LRRC7: variants seen among roughly 807,000 people sequenced by gnomAD.
LRRC7 encodes leucine rich repeat containing 7.
LRRC7 carries 23 observed loss-of-function variants against 175.7 expected under a neutral mutation model. The observed-to-expected ratio is 0.13, with a 90% confidence interval of 0.09 to 0.19. The LOEUF is 0.19. LRRC7 is among the 10% of genes least tolerant of loss of function. The probability of loss-of-function intolerance (pLI) is 1.00; values close to 1 mark genes in which losing one functional copy is unlikely to be tolerated. For missense variants in LRRC7, 1,354 were observed against 1,904.7 expected (o/e 0.71, Z 5.38); for synonymous variants, 685 against 680.9 (o/e 1.01, Z -0.09).
chr1:70,116,601 G>GT (rs1447412669), intron 26 of LRRC7, among the ~76,000 whole-genome samples: 3 of 150,556 alleles, frequency 2.0e-5, no homozygotes, highest in Admixed American at 6.6e-5. Flanking sequence ...TTCTGCAAAG[G>GT]TTTTTTTTAA....
chr1:69,738,170 T>C (rs1459359340), intron 2 of LRRC7, among the ~76,000 whole-genome samples: 1 of 152,044 alleles, frequency 6.6e-6, no homozygotes, highest in African/African-American at 2.4e-5. Flanking sequence ...AAAATGGCCA[T>C]GTACCGAGTT....
At chr1:69,748,095 A>G (rs1397403967) in intron 2 of LRRC7, among the ~76,000 whole-genome samples, 1 of 152,178 alleles carries the variant, frequency 6.6e-6, no homozygotes, top group Non-Finnish European at 1.5e-5. Flanking sequence ...TTATTAAAAG[A>G]TTATCACAAC....
intron 7 of LRRC7, among the ~76,000 whole-genome samples, chr1:69,915,085 A>G (rs1381165316): frequency 6.6e-6 from 1 of 152,180 alleles, no homozygotes; most frequent in Non-Finnish European, 1.5e-5. Context: ...TGTGATATGG[A>G]GCAAGTCACC....
chr1:69,910,542 G>C (rs1646490936), intron 7 of LRRC7, among the ~76,000 whole-genome samples: 2 of 152,154 alleles, frequency 1.3e-5, no homozygotes, highest in Admixed American at 6.5e-5. Context: ...AAATTCTGCT[G>C]CCTGATTGTT....
chr1:70,002,285 C>T (rs1421793575), intron 11 of LRRC7, among the ~76,000 whole-genome samples: 1 of 152,164 alleles, frequency 6.6e-6, no homozygotes, highest in African/African-American at 2.4e-5. Flanking sequence ...CCCTTCTTCT[C>T]TATGGGCATC....
chr1:70,108,298 A>C (rs544452098), intron 26 of LRRC7, among the ~76,000 whole-genome samples: 1 of 152,230 alleles, frequency 6.6e-6, no homozygotes, highest in South Asian at 2.1e-4. Context: ...ACAAAAGTTT[A>C]GCTCTATATA....
At chr1:69,613,694 G>C (rs1221228601) in intron 1 of LRRC7, among the ~76,000 whole-genome samples, 1 of 151,908 alleles carries the variant, frequency 6.6e-6, no homozygotes, top group East Asian at 1.9e-4. Context: ...TGAAATATTT[G>C]CTCATTAAGT....
intron 8 of LRRC7, among the ~76,000 whole-genome samples, chr1:69,941,043 G>A (rs1648654521): frequency 2.6e-5 from 4 of 152,036 alleles, no homozygotes; most frequent in Admixed American, 2.6e-4. Context: ...AGGAGGTCAG[G>A]GAGTGAGCCA....
At chr1:69,700,277 C>T (rs1663178403) in intron 2 of LRRC7, among the ~76,000 whole-genome samples, 1 of 152,112 alleles carries the variant, frequency 6.6e-6, no homozygotes. Flanking sequence ...ATCTTCCTCG[C>T]CTCAATTTCC....
chr1:69,600,796 G>GTTCT lies in LRRC7; in HGVS notation c.2+32157_2+32158insCTTT, dbSNP rs1557463083. Reference sequence around the variant, plus strand: ...TTAGCCATTTCTCCAAGGATCTCTGGTTTCTTTTTTTTTTTTTTTTTTTTT... The same window carrying GTTCT: ...TTAGCCATTTCTCCAAGGATCTCTGGTTCTTTTCTTTTTTTTTTTTTTTTTTTTT... On this transcript the variant is annotated intron_variant, in intron 1 of 26. Coordinates refer to ENST00000651989, the MANE Select transcript of LRRC7 (RefSeq NM_001370785.2). 9.5e-4 allele frequency among the ~76,000 whole-genome samples: 25 copies of GTTCT among 26,362 alleles called. 5 individuals carry two copies. Among genetic ancestry groups the GTTCT allele is most frequent in the Non-Finnish European group, 1.1e-3 (18 of 15,784 alleles). 17.3% of individuals were successfully genotyped at this position (26,362 alleles called of 152,430 possible). A position where few individuals can be genotyped will look rare whatever the true frequency, so the allele number is the denominator to read the frequency against.
intron 7 of LRRC7, among the ~76,000 whole-genome samples, chr1:69,893,580 G>T (rs1414021099): frequency 1.3e-5 from 2 of 152,066 alleles, no homozygotes; most frequent in African/African-American, 4.8e-5. Flanking sequence ...CTTTGTAGAA[G>T]AATTTTATAC....
At chr1:69,942,317 G>A (rs1358845677) in intron 8 of LRRC7, among the ~76,000 whole-genome samples, 3 of 152,070 alleles carry the variant, frequency 2.0e-5, no homozygotes, top group East Asian at 1.9e-4. Flanking sequence ...ACCATAGGAC[G>A]TGATAGAAAT....
intron 7 of LRRC7, among the ~76,000 whole-genome samples, chr1:69,924,850 G>C (rs1246431364): frequency 6.6e-6 from 1 of 152,302 alleles, no homozygotes; most frequent in Middle Eastern, 3.4e-3. Context: ...AATAGGAGTG[G>C]TGAGAGAGGG....
chr1:69,887,317 C>T (rs1367758018), intron 7 of LRRC7, among the ~76,000 whole-genome samples: 1 of 128,108 alleles, frequency 7.8e-6, no homozygotes, highest in African/African-American at 3.2e-5. Context: ...TTGCTCATTT[C>T]TTTTTATTCT....
chr1:69,713,450 T>A (rs559578338), intron 2 of LRRC7, among the ~76,000 whole-genome samples: 1 of 152,128 alleles, frequency 6.6e-6, no homozygotes, highest in African/African-American at 2.4e-5. Context: ...GAGCCGTGAT[T>A]GTGCCACTGC....
intron 23 of LRRC7, among the ~76,000 whole-genome samples, chr1:70,075,314 G>A (rs993430619): frequency 1.3e-5 from 2 of 152,162 alleles, no homozygotes; most frequent in Non-Finnish European, 2.9e-5. Flanking sequence ...AAATGAAGGT[G>A]AGAAAACAGG....
In LRRC7 at chr1:70,021,102, A is replaced by C; in HGVS notation, c.1518A>C (p.Glu506Asp). 1 of 1,612,422 alleles carries C rather than the reference A, an allele frequency of 6.2e-7. No individual in the cohort carries two copies. Among genetic ancestry groups the C allele is most frequent in the East Asian group, 2.2e-5 (1 of 44,764 alleles). The change falls in exon 16 of 27, where the codon GAA becomes GAC. Residue 506 changes from glutamate (E) to aspartate (D), a missense_variant. Glu to Asp is a conservative substitution (Grantham distance 45). Transcript: ENST00000651989. ...TVAFEFEDKK[E>D]DDENAGKVKD... ...CCTTTGAATTTGAAGACAAAAAAGA[A>C]GATGACGAAAATGCTGGGAAAGTTA...
chr1:69,780,139 C>G (rs1451301971), intron 3 of LRRC7, among the ~76,000 whole-genome samples: 1 of 152,162 alleles, frequency 6.6e-6, no homozygotes, highest in Non-Finnish European at 1.5e-5. Flanking sequence ...AAACAAAAAT[C>G]TGAGTAAGTC....
chr1:69,963,978 TCTC>T (rs1414911901), intron 8 of LRRC7, among the ~76,000 whole-genome samples: 8 of 152,162 alleles, frequency 5.3e-5, no homozygotes, highest in Non-Finnish European at 1.5e-5. Context: ...TAGTATCTGA[TCTC>T]CTCCTATGCT....
Sources: allele counts gnomAD v4.1 joint callset (sites outside exome capture counted in the v4.1 genomes callset), GRCh38; gene constraint gnomAD v4.1.1; transcripts MANE v1.5; gene names NCBI Gene and HGNC (gene_info 2026-07-23, HGNC 2026-07-21).